Variants in ALG9 observed in about 807,000 individuals in gnomAD.
The protein encoded by ALG9 is alpha-1,2-mannosyltransferase ALG9.
Under a neutral mutation model 81.8 loss-of-function variants are expected in ALG9, and 55 were observed. That is an observed-to-expected ratio of 0.67 (90% CI 0.54 to 0.84). The LOEUF (loss-of-function observed/expected upper bound fraction) is 0.84. Among genes scored for constraint, ALG9 ranks in the 40% least tolerant of loss-of-function variants. The probability of loss-of-function intolerance (pLI) is 0.00; values close to 1 mark genes in which losing one functional copy is unlikely to be tolerated. For synonymous variants in ALG9, 278 were observed against 274.3 expected, an observed-to-expected ratio of 1.01 and a Z score of -0.13; for missense variants, 629 against 745.0, an observed-to-expected ratio of 0.84 and a Z score of 1.81.
chr11:111,775,223 C>T, the ALG9 span, among the ~76,000 whole-genome samples: 23 of 152,316 alleles, frequency 1.5e-4, no homozygotes, highest in Non-Finnish European at 1.0e-4. Flanking sequence ...TATTCCTGTT[C>T]CCCTGAAAGC....
chr11:111,812,592 G>T (rs560321808), intron 13 of ALG9, among the ~76,000 whole-genome samples: 30 of 152,008 alleles, frequency 2.0e-4, no homozygotes, highest in Admixed American at 9.8e-4. Context: ...CAACAACAAG[G>T]TGGGGGCTTA....
chr11:111,816,048 A>G (rs1056988477), intron 13 of ALG9, among the ~76,000 whole-genome samples: 12 of 152,236 alleles, frequency 7.9e-5, no homozygotes, highest in Non-Finnish European at 1.3e-4. Flanking sequence ...ATGATATCAA[A>G]ATAAATCTTC....
chr11:111,817,315 T>G (rs1472454945), intron 13 of ALG9: 1 of 152,258 alleles, frequency 6.6e-6, no homozygotes, highest in East Asian at 1.9e-4. Flanking sequence ...AAGTAAGCAC[T>G]CTAGTTACTA....
chr11:111,820,920 GCA>G (rs58305552), intron 13 of ALG9, among the ~76,000 whole-genome samples: 42,672 of 146,116 alleles, frequency 0.29, 6,772 homozygotes, highest in East Asian at 0.56. Flanking sequence ...AAACACGCGC[GCA>G]CACACACACA....
intron 14 of ALG9, among the ~76,000 whole-genome samples, chr11:111,800,994 C>T (rs1425681653): frequency 2.0e-5 from 3 of 152,200 alleles, no homozygotes; most frequent in African/African-American, 4.8e-5. Context: ...GGCTATGTGT[C>T]ATAGGCCTAT....
intron 13 of ALG9, among the ~76,000 whole-genome samples, chr11:111,818,942 G>A (rs1309369233): frequency 6.6e-6 from 1 of 152,156 alleles, no homozygotes; most frequent in African/African-American, 2.4e-5. Context: ...GAAGATGCCC[G>A]TAGCACTGGG....
intron 8 of ALG9, among the ~76,000 whole-genome samples, chr11:111,846,072 AG>A (rs1956905550): frequency 6.6e-6 from 1 of 152,252 alleles, no homozygotes; most frequent in Admixed American, 6.5e-5. Flanking sequence ...TTTGGGTTAT[AG>A]AAAACTAACG....
intron 14 of ALG9, among the ~76,000 whole-genome samples, chr11:111,804,514 C>T (rs972786423): frequency 3.0e-4 from 45 of 151,986 alleles, no homozygotes; most frequent in African/African-American, 9.7e-4. Flanking sequence ...CTACTTGAGC[C>T]CAGGAGTTAG....
chr11:111,865,555 G>C (rs1555152079), intron 3 of ALG9, among the ~76,000 whole-genome samples: 1 of 152,148 alleles, frequency 6.6e-6, no homozygotes, highest in Non-Finnish European at 1.5e-5. Context: ...AATAAACTAG[G>C]CTACATCTAG....
chr11:111,850,170 T>C (rs74439762), intron 8 of ALG9, among the ~76,000 whole-genome samples: 1,808 of 152,322 alleles, frequency 0.012, 35 homozygotes, highest in African/African-American at 0.042. Flanking sequence ...TATAGTATTA[T>C]TATTTGGTAT....
At chr11:111,776,217 T>C in the ALG9 span, among the ~76,000 whole-genome samples, 1 of 151,776 alleles carries the variant, frequency 6.6e-6, no homozygotes, top group Non-Finnish European at 1.5e-5. Flanking sequence ...TCTTGACATA[T>C]AGTAAAGTTT....
At chr11:111,814,657 A>G (rs981549309) in intron 13 of ALG9, 1 of 152,192 alleles carries the variant, frequency 6.6e-6, no homozygotes, top group Admixed American at 6.5e-5. Context: ...ATTCTCTCCC[A>G]GCATTATTTA....
intron 14 of ALG9, among the ~76,000 whole-genome samples, chr11:111,807,863 T>G (rs1268111957): frequency 1.3e-5 from 2 of 152,150 alleles, no homozygotes; most frequent in Non-Finnish European, 2.9e-5. Context: ...GGTGGGCGGA[T>G]AGCTTGAGCT....
chr11:111,796,944 G>A (rs1447266927), intron 14 of ALG9, among the ~76,000 whole-genome samples: 2 of 152,278 alleles, frequency 1.3e-5, no homozygotes, highest in East Asian at 3.9e-4. Context: ...CTGCCATCGG[G>A]TGGAGTCTCT....
chr11:111,816,896 A>G (rs1466373989), intron 13 of ALG9, among the ~76,000 whole-genome samples: 1 of 152,228 alleles, frequency 6.6e-6, no homozygotes, highest in Admixed American at 6.5e-5. Context: ...AGGTAAGGAA[A>G]TGACATTAGC....
At chr11:111,789,529 C>T (rs974055596) in intron 14 of ALG9, among the ~76,000 whole-genome samples, 26 of 151,564 alleles carry the variant, frequency 1.7e-4, no homozygotes, top group African/African-American at 4.4e-4. Context: ...CATGAGCCAC[C>T]GTACCCAGCC....
the ALG9 span, among the ~76,000 whole-genome samples, chr11:111,775,134 A>G: frequency 3.3e-5 from 5 of 152,250 alleles, no homozygotes; most frequent in Middle Eastern, 0.01. Flanking sequence ...TAAATAGTAG[A>G]TTTCAGCAGC....
intron 1 of ALG9, chr11:111,871,135 G>A (rs1964172128): frequency 7.9e-7 from 1 of 1,264,066 alleles, no homozygotes; most frequent in Non-Finnish European, 9.9e-7. Context: ...CGCACTCCAA[G>A]GCAGTTTTAC....
chr11:111,785,171 C>G lies in ALG9; in HGVS notation c.*1226G>C, dbSNP rs1555061606. The G allele has an allele frequency of 6.6e-6, 1 of 152,348 alleles. No individual in the cohort carries two copies. Among genetic ancestry groups the G allele is most frequent in the Admixed American group, 6.6e-5 (1 of 15,254 alleles). The allele number at this position is 152,348 out of a possible 1,614,324, so 9.4% of individuals were successfully genotyped here. A position where few individuals can be genotyped will look rare whatever the true frequency, so the allele number is the denominator to read the frequency against. The stretch of plus-strand genomic sequence containing the variant: ...GCTCTATTACTTACTGGCTGTGTGA[C>G]CTTAGGCAACTAACTATCTTTACCT... On this transcript the variant is annotated 3_prime_UTR_variant, in exon 15 of 15. Coordinates refer to ENST00000616540, the MANE Select transcript of ALG9 (RefSeq NM_024740.2).
Sources: gnomAD v4.1 joint callset for allele counts (sites outside exome capture counted in the v4.1 genomes callset) on GRCh38, gnomAD v4.1.1 for gene constraint, MANE v1.5 for transcripts, NCBI Gene and HGNC (gene_info 2026-07-23, HGNC 2026-07-21) for gene names.